The following ECE1 variants were observed in gnomAD, a reference collection of about 807,000 sequenced individuals.
ECE1 encodes endothelin-converting enzyme 1.
A neutral mutation model predicts 98.6 loss-of-function variants in ECE1; 35 were observed. The ratio of observed to expected loss-of-function variants is 0.35; its 90% CI spans 0.27 to 0.47. The LOEUF (loss-of-function observed/expected upper bound fraction) is 0.47, where lower values mean the gene tolerates loss of function less well. Ranked by LOEUF, ECE1 falls within the 20% of genes least tolerant of loss-of-function variation. The pLI, the probability that ECE1 is intolerant of heterozygous loss-of-function variation, is 1.00. For synonymous variants in ECE1, 394 were observed against 407.1 expected (o/e 0.97, Z 0.39); for missense variants, 814 against 1,025.3 (o/e 0.79, Z 2.81).
intron 3 of ECE1, among the ~76,000 whole-genome samples, chr1:21,276,710 G>A (rs570126033): frequency 6.8e-6 from 1 of 146,524 alleles, no homozygotes; most frequent in East Asian, 2.0e-4. Flanking sequence ...TTTTGAGACG[G>A]AGTCTCGCTC....
Position 21,345,234 on chromosome 1 carries a change from G to C in ECE1, c.3+142C>G, listed in dbSNP as rs1209353038. ...GGCGCTCCCCGACTCCACGCCTTCC[G>C]AGAGCCGGGCGGGGGCTGCTGCTGC... is the stretch of plus-strand genomic sequence containing the variant. On this transcript the variant is annotated intron_variant, in intron 1 of 18. Coordinates refer to the ECE1 transcript ENST00000415912. The surrounding 1 kb of genome is among the most constrained non-coding windows in gnomAD (Gnocchi z 5.1). The C allele has an allele frequency of 4.5e-6, 5 of 1,118,948 alleles. No individual in the cohort carries two copies. Among genetic ancestry groups the C allele is most frequent in the South Asian group, 4.1e-5 (1 of 24,166 alleles). The allele number at this position is 1,118,948 out of a possible 1,614,324, so 69.3% of individuals were successfully genotyped here. A position where few individuals can be genotyped will look rare whatever the true frequency, so the allele number is the denominator to read the frequency against.
chr1:21,283,571 T>C (rs1317428056), intron 2 of ECE1, among the ~76,000 whole-genome samples: 2 of 152,164 alleles, frequency 1.3e-5, no homozygotes, highest in Non-Finnish European at 2.9e-5. Context: ...GCACCCAGCC[T>C]ATCTTCACAA....
Position 21,247,491 on chromosome 1 carries a change from CAG to C in ECE1, c.1021-130_1021-129del, listed in dbSNP as rs573202655. 2.5e-3 allele frequency: 3,492 copies of C among 1,397,286 alleles called. 13 individuals are homozygous for C. The highest frequency in any genetic ancestry group is 3.7e-3 in the Admixed American group (202 of 55,064). The allele number at this position is 1,397,286 out of a possible 1,614,324, so 86.6% of individuals were successfully genotyped here. On this transcript the variant is annotated intron_variant, in intron 8 of 18. Transcript: ENST00000374893. ...TGGCGCCATCTGACAGCGCACCGGG[CAG>C]AGAGTCAAGCGGAGCCTGGCGGGCT...
At chr1:21,247,141 T>G in intron 9 of ECE1, 80 bp downstream of exon 9, 2 of 1,603,590 alleles carry the variant, frequency 1.2e-6, no homozygotes, top group Non-Finnish European at 1.7e-6. Context: ...AGTCAGACTG[T>G]CATCCCCACC....
intron 14 of ECE1, among the ~76,000 whole-genome samples, chr1:21,229,709 A>AT (rs1044330093): frequency 4.6e-5 from 7 of 152,126 alleles, no homozygotes; most frequent in African/African-American, 1.2e-4. Flanking sequence ...ACAAATGTGG[A>AT]TTTTTTTGCT....
Position 21,260,391 on chromosome 1 carries a change from T to C in ECE1, c.495A>G (p.Glu165=). The C allele has an allele frequency of 6.2e-7, 1 of 1,614,210 alleles. No homozygotes were observed. Residue 165 remains glutamate, a splice_region_variant and synonymous_variant, in exon 5 of 19, where the codon GAA becomes GAG. Transcript: ENST00000374893. This position sits in a 1 kb window ranked among gnomAD's most constrained non-coding sequence, Gnocchi z 4.3. ...HNQAIIKHLL[E]NSTASVSEAE... Reference sequence around the variant, plus strand: ...CCTCGCTCACGCTGGCCGTGGAGTTTTCTGGAACAACAGACAGTGGAGTTT... The same window carrying C: ...CCTCGCTCACGCTGGCCGTGGAGTTCTCTGGAACAACAGACAGTGGAGTTT...
chr1:21,314,020 G>A (rs1638781358), intron 1 of ECE1, among the ~76,000 whole-genome samples: 2 of 152,196 alleles, frequency 1.3e-5, no homozygotes, highest in Non-Finnish European at 2.9e-5. Flanking sequence ...TAACACCAAC[G>A]ACATGGCACC....
At chr1:21,247,189 G>A in intron 9 of ECE1, 32 bp downstream of exon 9, 1 of 1,613,972 alleles carries the variant, frequency 6.2e-7, no homozygotes, top group Non-Finnish European at 8.5e-7. Context: ...GTCTGTGAGA[G>A]GCGTGCCCCA....
Position 21,225,324 on chromosome 1 carries a change from C to T in ECE1, c.1966G>A (p.Gly656Arg), listed in dbSNP as rs367812436. The stretch of plus-strand genomic sequence containing the variant: ...GTGTGCCGCCCGTTCACCGGCTCCC[C>T]GTTCACGCTGTAGTTGCTGTACTGC... ...VEQYSNYSVN[G>R]EPVNGRHTLG... Residue 656 changes from glycine (G) to arginine (R), a missense_variant, in exon 17 of 19, where the codon GGG (glycine) becomes AGG (arginine). Around this residue, in one of 3 missense-constraint regions of ECE1, gnomAD observed 452 missense variants for 567.3 expected, o/e 0.80. Coordinates refer to ENST00000374893, the MANE Select transcript of ECE1 (RefSeq NM_001397.3). This position sits in a 1 kb window ranked among gnomAD's most constrained non-coding sequence, Gnocchi z 5.3. The T allele has an allele frequency of 2.8e-5, 45 of 1,614,234 alleles. 1 individual carries two copies. In the East Asian group the frequency reaches 3.8e-4, roughly 14 times the overall value.
In ECE1 at chr1:21,225,540, C is replaced by T; in HGVS notation, c.1850-100G>A. 7.2e-7 allele frequency: 1 copy of T among 1,389,908 alleles called. No individual in the cohort carries two copies. Among genetic ancestry groups the T allele is most frequent in the Admixed American group, 2.0e-5 (1 of 49,732 alleles). 86.1% of individuals were successfully genotyped at this position (1,389,908 alleles called of 1,614,324 possible). On this transcript the variant is annotated intron_variant, in intron 16 of 18. Transcript: ENST00000374893. This position sits in a 1 kb window ranked among gnomAD's most constrained non-coding sequence, Gnocchi z 5.3. ...GGTGAGAAGCGGTTCATCCGTCCAC[C>T]CCCGTCCTCCAGCCACCATGGGGAG...
At chr1:21,266,686 A>T (rs1279022507) in intron 4 of ECE1, 1 of 152,256 alleles carries the variant, frequency 6.6e-6, no homozygotes, top group African/African-American at 2.4e-5. Flanking sequence ...TGAGATGGGC[A>T]TAGGCATGGC....
chr1:21,257,825 G>T (rs902724991), intron 6 of ECE1, among the ~76,000 whole-genome samples: 4 of 152,192 alleles, frequency 2.6e-5, no homozygotes, highest in African/African-American at 9.6e-5. Flanking sequence ...AGAAGGGCTG[G>T]ACAGAGCCAC....
In ECE1 at chr1:21,290,299, C is replaced by A; in HGVS notation, c.51+65G>T. The A allele has an allele frequency of 8.1e-7, 1 of 1,241,712 alleles. No individual in the cohort carries two copies. Among genetic ancestry groups the A allele is most frequent in the Non-Finnish European group, 1.0e-6 (1 of 995,536 alleles). The allele number at this position is 1,241,712 out of a possible 1,614,324, so 76.9% of individuals were successfully genotyped here. On this transcript the variant is annotated intron_variant, in intron 1 of 18. Coordinates refer to ENST00000374893, the MANE Select transcript of ECE1 (RefSeq NM_001397.3). This position sits in a 1 kb window ranked among gnomAD's most constrained non-coding sequence, Gnocchi z 7.3. The stretch of plus-strand genomic sequence containing the variant: ...CCGAGACCGAGACCGGCCCACGGAG[C>A]GGCCCGCGCGGGGAGGGGTCCCGCC...
chr1:21,279,039 G>A (rs1258718857), intron 3 of ECE1, 152 bp downstream of exon 3: 1 of 1,311,164 alleles, frequency 7.6e-7, no homozygotes, highest in African/African-American at 1.5e-5. Context: ...CCGGGTCTTG[G>A]TCTATCTCAG....
intron 17 of ECE1, among the ~76,000 whole-genome samples, chr1:21,224,290 C>T (rs1198748627): frequency 2.0e-5 from 3 of 152,178 alleles, no homozygotes; most frequent in Non-Finnish European, 4.4e-5. Context: ...AGTTTATATT[C>T]GTCACCTTTT....
intron 3 of ECE1, among the ~76,000 whole-genome samples, chr1:21,274,692 A>C (rs2098244415): frequency 6.6e-6 from 1 of 152,216 alleles, no homozygotes; most frequent in African/African-American, 2.4e-5. Context: ...GTAACATTTG[A>C]TGACAAACAC....
chr1:21,300,251 A>C (rs1638454148), intron 1 of ECE1, among the ~76,000 whole-genome samples: 1 of 152,242 alleles, frequency 6.6e-6, no homozygotes, highest in Non-Finnish European at 1.5e-5. Flanking sequence ...GAGGCGGCTG[A>C]GAAGCAGGGA....
At chr1:21,251,143 G>A (rs866882774) in intron 8 of ECE1, among the ~76,000 whole-genome samples, 2 of 152,290 alleles carry the variant, frequency 1.3e-5, no homozygotes, top group Middle Eastern at 3.4e-3. Context: ...CTCAGCTGCT[G>A]GGGAACAAGG....
intron 8 of ECE1, among the ~76,000 whole-genome samples, chr1:21,252,713 C>T (rs1282977791): frequency 6.6e-6 from 1 of 152,208 alleles, no homozygotes; most frequent in Non-Finnish European, 1.5e-5. Context: ...CACTGTGAAA[C>T]CTGGCGTGCT....
Sources: gnomAD v4.1 joint callset for allele counts (sites outside exome capture counted in the v4.1 genomes callset) on GRCh38, gnomAD v4.1.1 for gene constraint, gnomAD v4.1.1 regional missense constraint, Gnocchi (gnomAD v3.1) non-coding constraint, MANE v1.5 for transcripts, NCBI Gene and HGNC (gene_info 2026-07-23, HGNC 2026-07-21) for gene names.